The following CPVL variants were observed in gnomAD, a reference collection of about 807,000 sequenced individuals.
CPVL encodes carboxypeptidase vitellogenic like, also known as probable serine carboxypeptidase CPVL.
In CPVL, 51 loss-of-function variants were observed where a neutral mutation model predicts 63.7. The observed-to-expected ratio is 0.80, with a 90% CI of 0.64 to 1.01. The LOEUF is 1.01. CPVL is among the 50% of genes least tolerant of loss of function. The pLI is 0.00. For missense variants in CPVL, 530 were observed against 573.1 expected (o/e 0.92, Z 0.77); for synonymous variants, 195 against 206.0 (o/e 0.95, Z 0.46).
At chr7:29,041,520 C>T (rs750463133) in intron 11 of CPVL, among the ~76,000 whole-genome samples, 22 of 152,158 alleles carry the variant, frequency 1.4e-4, no homozygotes, top group Non-Finnish European at 2.8e-4. Flanking sequence ...CCAAAGACTG[C>T]AATGTGCTTG....
At chr7:29,067,962 A>G (rs1365002312) in intron 9 of CPVL, among the ~76,000 whole-genome samples, 2 of 151,780 alleles carry the variant, frequency 1.3e-5, no homozygotes, top group East Asian at 3.9e-4. Flanking sequence ...CCTTCTGGCC[A>G]TGCTTCAATG....
At chr7:29,128,564 A>C (rs1327818385) in intron 1 of CPVL, among the ~76,000 whole-genome samples, 1 of 151,866 alleles carries the variant, frequency 6.6e-6, no homozygotes, top group East Asian at 1.9e-4. Flanking sequence ...AAAAATACAA[A>C]AATTAGCCAG....
At chr7:29,019,073 A>G (rs1413728713) in intron 12 of CPVL, among the ~76,000 whole-genome samples, 1 of 151,932 alleles carries the variant, frequency 6.6e-6, no homozygotes, top group African/African-American at 2.4e-5. Context: ...ATATATTTAC[A>G]TATCTATGTA....
intron 1 of CPVL, among the ~76,000 whole-genome samples, chr7:29,138,827 C>A (rs114964011): frequency 5.3e-5 from 8 of 152,310 alleles, no homozygotes; most frequent in African/African-American, 1.9e-4. Flanking sequence ...CTGCCACGGG[C>A]ACTTGGCAGC....
chr7:29,054,198 T>C (rs1333009471), intron 11 of CPVL, among the ~76,000 whole-genome samples: 2 of 152,248 alleles, frequency 1.3e-5, no homozygotes, highest in Non-Finnish European at 2.9e-5. Flanking sequence ...TTAACATTGA[T>C]AAAATATTAT....
chr7:29,166,821 A>G (rs1021706080), intron 5 of CPVL, among the ~76,000 whole-genome samples: 1 of 151,966 alleles, frequency 6.6e-6, no homozygotes, highest in African/African-American at 2.4e-5. Flanking sequence ...TTCCAATGAT[A>G]TTCTCTATTT....
upstream of CPVL, chr7:29,147,391 G>GC (rs1455793268): frequency 6.2e-6 from 1 of 160,046 alleles, no homozygotes; most frequent in Non-Finnish European, 1.4e-5. Context: ...CAGTAGAGCA[G>GC]CCCAGCCAAC....
intron 7 of CPVL, among the ~76,000 whole-genome samples, chr7:29,078,124 A>T (rs903297854): frequency 5.5e-4 from 84 of 152,376 alleles, no homozygotes; most frequent in Non-Finnish European, 1.0e-3. Flanking sequence ...AGAGCCTTCC[A>T]ACAAGAATAT....
chr7:29,029,205 A>G (rs1304783898), intron 12 of CPVL, among the ~76,000 whole-genome samples: 1 of 152,144 alleles, frequency 6.6e-6, no homozygotes, highest in East Asian at 1.9e-4. Flanking sequence ...TATTGGTAGG[A>G]ATGTAAATTA....
chr7:29,069,033 G>T (rs1194631537), intron 9 of CPVL, among the ~76,000 whole-genome samples: 1 of 152,010 alleles, frequency 6.6e-6, no homozygotes, highest in Non-Finnish European at 1.5e-5. Flanking sequence ...ATAGGCCAGG[G>T]TCATTCTGAA....
In CPVL at chr7:29,066,273, A is replaced by C. The variant is rs138667632; in HGVS notation, c.865-152T>G. 2.2e-4 allele frequency: 124 copies of C among 564,086 alleles called. No individual in the cohort carries two copies. In the African/African-American group the frequency reaches 2.2e-3, roughly 10 times the overall value. The allele number at this position is 564,086 out of a possible 1,614,324, so 34.9% of individuals were successfully genotyped here. A position where few individuals can be genotyped will look rare whatever the true frequency, so the allele number is the denominator to read the frequency against. The stretch of plus-strand genomic sequence containing the variant: ...ACTTATTGTGCATATTCTCTGTGCT[A>C]GACACTGTCATGGCACTGGAGAAAT... On this transcript the variant is annotated intron_variant, in intron 9 of 12. Coordinates refer to ENST00000265394, the MANE Select transcript of CPVL (RefSeq NM_031311.5).
At chr7:29,108,411 T>C (rs1787933880) in intron 3 of CPVL, among the ~76,000 whole-genome samples, 1 of 152,224 alleles carries the variant, frequency 6.6e-6, no homozygotes, top group Non-Finnish European at 1.5e-5. Context: ...CTATGTCTTT[T>C]TTATCTTCTT....
At chr7:29,123,357 A>G (rs554690904) in intron 1 of CPVL, among the ~76,000 whole-genome samples, 6 of 152,060 alleles carry the variant, frequency 3.9e-5, no homozygotes, top group African/African-American at 1.4e-4. Context: ...TAATGTAAAT[A>G]AGGCCAACCA....
intron 5 of CPVL, among the ~76,000 whole-genome samples, chr7:29,163,557 A>T (rs995408629): frequency 6.6e-6 from 1 of 152,084 alleles, no homozygotes; most frequent in African/African-American, 2.4e-5. Flanking sequence ...TTTTTTTTAC[A>T]ATCTTATTAA....
chr7:29,092,952 G>A (rs1211469500), intron 5 of CPVL, among the ~76,000 whole-genome samples: 2 of 152,194 alleles, frequency 1.3e-5, no homozygotes, highest in African/African-American at 4.8e-5. Flanking sequence ...TGGCTGAGCT[G>A]TCCTGTGCCT....
At position 29,064,310 on chromosome 7, in the gene CPVL, T is replaced by G. The variant is rs372788642; in HGVS notation, c.964-76A>C. The G allele has an allele frequency of 8.0e-6, 7 of 870,480 alleles. No individual in the cohort carries two copies. In the African/African-American group the frequency reaches 1.6e-4, roughly 20 times the overall value. 53.9% of individuals were successfully genotyped at this position (870,480 alleles called of 1,614,324 possible). A position where few individuals can be genotyped will look rare whatever the true frequency, so the allele number is the denominator to read the frequency against. On this transcript the variant is annotated intron_variant, in intron 10 of 12. Coordinates refer to ENST00000265394, the MANE Select transcript of CPVL (RefSeq NM_031311.5). ...ACAGTATGTTGGGAAAAGCTGTGAA[T>G]TTCTCATAACATACAACATGGAGAA...
intron 7 of CPVL, among the ~76,000 whole-genome samples, chr7:29,077,915 T>TAAG (rs996440555): frequency 2.6e-5 from 4 of 152,196 alleles, no homozygotes; most frequent in African/African-American, 9.7e-5. Flanking sequence ...TGGCTTCATC[T>TAAG]AGCCTAGGGT....
At chr7:29,000,354 T>TG (rs1418215187) in intron 12 of CPVL, among the ~76,000 whole-genome samples, 1 of 6,718 alleles carries the variant, frequency 1.5e-4, no homozygotes, top group Non-Finnish European at 2.9e-4. Flanking sequence ...GGACGGAGAG[T>TG]GGTGGGTGGG....
At chr7:29,018,737 T>TAAA (rs1392466175) in intron 12 of CPVL, among the ~76,000 whole-genome samples, 4 of 152,116 alleles carry the variant, frequency 2.6e-5, no homozygotes, top group African/African-American at 9.7e-5. Context: ...ATGTTAAGAA[T>TAAA]AAAATGTCCT....
Sources: allele counts gnomAD v4.1 joint callset (sites outside exome capture counted in the v4.1 genomes callset), GRCh38; gene constraint gnomAD v4.1.1; transcripts MANE v1.5; gene names NCBI Gene and HGNC (gene_info 2026-07-23, HGNC 2026-07-21).